ARK2C: variants seen among roughly 807,000 people sequenced by gnomAD.
The protein encoded by ARK2C is arkadia (RNF111) C-terminal like ring finger ubiquitin ligase 2C, also known as E3 ubiquitin-protein ligase ARK2C.
At chr18:46,426,896 G>C in the ARK2C span, among the ~76,000 whole-genome samples, 5 of 152,192 alleles carry the variant, frequency 3.3e-5, no homozygotes, top group South Asian at 2.1e-4. Flanking sequence ...AAAATTGCAG[G>C]TTGTCTATTA....
chr18:46,379,087 A>G, the ARK2C span, among the ~76,000 whole-genome samples: 1,195 of 152,334 alleles, frequency 7.8e-3, 20 homozygotes, highest in African/African-American at 0.027. Context: ...GTTGGGGGCA[A>G]TGAAGGAAAG....
the ARK2C span, among the ~76,000 whole-genome samples, chr18:46,428,038 C>T: frequency 6.6e-6 from 1 of 152,170 alleles, no homozygotes; most frequent in Non-Finnish European, 1.5e-5. Context: ...CTGAAGGCTC[C>T]TTGGTAGACC....
At chr18:46,440,917 C>T in the ARK2C span, among the ~76,000 whole-genome samples, 1 of 151,848 alleles carries the variant, frequency 6.6e-6, no homozygotes, top group Admixed American at 6.6e-5. Context: ...CACTGCTTGC[C>T]TCATTGAATG....
the ARK2C span, among the ~76,000 whole-genome samples, chr18:46,377,609 A>C: frequency 6.6e-6 from 1 of 152,178 alleles, no homozygotes; most frequent in Admixed American, 6.5e-5. Flanking sequence ...GGGAGAGGTT[A>C]TCAGGTAAAG....
chr18:46,460,277 G>A, the ARK2C span: 1 of 152,534 alleles, frequency 6.6e-6, no homozygotes, highest in Admixed American at 6.5e-5. Context: ...CTCCCTGCGT[G>A]GGGCTGTAGC....
the ARK2C span, among the ~76,000 whole-genome samples, chr18:46,412,718 C>T: frequency 1.3e-5 from 2 of 152,206 alleles, no homozygotes; most frequent in African/African-American, 4.8e-5. Flanking sequence ...ACCCCCACCC[C>T]TCCCAACTCT....
the ARK2C span, among the ~76,000 whole-genome samples, chr18:46,420,974 T>C: frequency 2.0e-5 from 3 of 152,112 alleles, no homozygotes; most frequent in African/African-American, 7.3e-5. Context: ...GAACTCTACA[T>C]GGTTTGCAAA....
chr18:46,451,686 T>C, the ARK2C span, among the ~76,000 whole-genome samples: 2 of 152,160 alleles, frequency 1.3e-5, no homozygotes, highest in African/African-American at 4.8e-5. Context: ...GAACTTGTAG[T>C]CCTAGTTACT....
At chr18:46,416,797 T>C in the ARK2C span, among the ~76,000 whole-genome samples, 1 of 152,198 alleles carries the variant, frequency 6.6e-6, no homozygotes, top group Admixed American at 6.5e-5. Context: ...GTTCTTATGG[T>C]AGAGGCAGGA....
chr18:46,456,343 CTT>C, the ARK2C span, among the ~76,000 whole-genome samples: 1 of 152,172 alleles, frequency 6.6e-6, no homozygotes, highest in African/African-American at 2.4e-5. Flanking sequence ...AAAGTTGTGG[CTT>C]TGTTTCAGGC....
chr18:46,376,919 C>T, the ARK2C span, among the ~76,000 whole-genome samples: 3 of 152,222 alleles, frequency 2.0e-5, no homozygotes, highest in Admixed American at 6.5e-5. Context: ...CTGCCCGCCT[C>T]GGCATCTCAA....
chr18:46,352,127 C>T, the ARK2C span, among the ~76,000 whole-genome samples: 1 of 152,172 alleles, frequency 6.6e-6, no homozygotes, highest in African/African-American at 2.4e-5. Flanking sequence ...CCTGGACAGC[C>T]TTTGCAGGGC....
chr18:46,412,468 G>A, the ARK2C span, among the ~76,000 whole-genome samples: 80 of 152,368 alleles, frequency 5.3e-4, no homozygotes, highest in African/African-American at 1.7e-3. Flanking sequence ...GCAGAAAGCA[G>A]CCACCCTCCT....
the ARK2C span, among the ~76,000 whole-genome samples, chr18:46,413,911 C>G: frequency 6.6e-6 from 1 of 152,150 alleles, no homozygotes; most frequent in South Asian, 2.1e-4. Context: ...GAATCATCTG[C>G]ATGTTTACTT....
chr18:46,336,932 GA>G, the ARK2C span: 2 of 985,312 alleles, frequency 2.0e-6, no homozygotes, highest in Admixed American at 1.2e-4. Flanking sequence ...CATAGCCTCT[GA>G]AAACTTGGTG....
At chr18:46,393,827 T>C in the ARK2C span, among the ~76,000 whole-genome samples, 3 of 152,376 alleles carry the variant, frequency 2.0e-5, no homozygotes, top group Non-Finnish European at 4.4e-5. Context: ...TCTGCTGGGC[T>C]CTGGAGTCTG....
At chr18:46,447,764 T>C in the ARK2C span, 1 of 1,579,318 alleles carries the variant, frequency 6.3e-7, no homozygotes, top group Non-Finnish European at 8.7e-7. Context: ...CGGTCCCCTG[T>C]GCCCTGGCTG....
the ARK2C span, chr18:46,433,410 A>G: frequency 1.9e-5 from 30 of 1,613,414 alleles, no homozygotes; most frequent in Non-Finnish European, 2.5e-5. Context: ...AGGACGTCAC[A>G]GGTCCCTCCT....
the ARK2C span, among the ~76,000 whole-genome samples, chr18:46,407,448 T>C: frequency 1.3e-5 from 2 of 152,226 alleles, no homozygotes; most frequent in Non-Finnish European, 2.9e-5. Context: ...TGTGGCTTTA[T>C]TTCTCTCCCC....
Sources: allele counts gnomAD v4.1 joint callset (sites outside exome capture counted in the v4.1 genomes callset), GRCh38; gene constraint gnomAD v4.1.1; transcripts MANE v1.5; gene names NCBI Gene and HGNC (gene_info 2026-07-23, HGNC 2026-07-21).